The following BICD1 variants were observed in gnomAD, a reference collection of about 807,000 sequenced individuals.
BICD1 encodes BICD cargo adaptor 1, also known as protein bicaudal D homolog 1.
In BICD1, 35 loss-of-function variants were observed where a neutral mutation model predicts 92.5. That is an observed-to-expected ratio of 0.38 (90% CI 0.29 to 0.50). The LOEUF (loss-of-function observed/expected upper bound fraction) is 0.50. Among genes scored for constraint, BICD1 ranks in the 20% least tolerant of loss-of-function variants. The pLI is 0.93. For missense variants in BICD1, 950 were observed against 1,189.8 expected (o/e 0.80, Z 2.97); for synonymous variants, 429 against 465.1 (o/e 0.92, Z 1.00).
intron 2 of BICD1, among the ~76,000 whole-genome samples, chr12:32,290,154 T>C (rs1947689246): frequency 8.4e-6 from 1 of 119,572 alleles, no homozygotes; most frequent in African/African-American, 3.0e-5. Flanking sequence ...TCCAACCCCT[T>C]ATATATAAAT....
intron 1 of BICD1, among the ~76,000 whole-genome samples, chr12:32,174,442 G>T (rs549148244): frequency 1.3e-5 from 2 of 151,946 alleles, no homozygotes; most frequent in Non-Finnish European, 2.9e-5. Context: ...GTTTGAGGCT[G>T]CAGTGTACAA....
At chr12:32,335,624 A>C (rs1055922951) in intron 6 of BICD1, among the ~76,000 whole-genome samples, 1 of 139,338 alleles carries the variant, frequency 7.2e-6, no homozygotes, top group Non-Finnish European at 1.5e-5. Flanking sequence ...TCTGTCACCC[A>C]GGCTGAAGTG....
intron 1 of BICD1, among the ~76,000 whole-genome samples, chr12:32,211,611 C>T (rs759432543): frequency 6.6e-5 from 10 of 151,864 alleles, no homozygotes; most frequent in Non-Finnish European, 1.5e-4. Context: ...CACAGAATGG[C>T]CAAATTATTG....
At chr12:32,376,496 T>C (rs947337938) in intron 9 of BICD1, among the ~76,000 whole-genome samples, 1 of 152,162 alleles carries the variant, frequency 6.6e-6, no homozygotes, top group Non-Finnish European at 1.5e-5. Flanking sequence ...CAGACCCTGA[T>C]AGGCCTGAGC....
chr12:32,301,244 A>G (rs553646626), intron 3 of BICD1, among the ~76,000 whole-genome samples: 1 of 152,300 alleles, frequency 6.6e-6, no homozygotes, highest in South Asian at 2.1e-4. Flanking sequence ...TAATCAGAGA[A>G]TGAACCTTTC....
At chr12:32,121,201 C>A (rs1942136990) in intron 1 of BICD1, among the ~76,000 whole-genome samples, 1 of 151,616 alleles carries the variant, frequency 6.6e-6, no homozygotes, top group South Asian at 2.1e-4. Context: ...AACCTCTGAC[C>A]TCATGATCCA....
intron 2 of BICD1, among the ~76,000 whole-genome samples, chr12:32,250,200 C>T (rs1003920507): frequency 8.5e-5 from 13 of 152,236 alleles, no homozygotes; most frequent in African/African-American, 3.1e-4. Flanking sequence ...TTGAGATGGG[C>T]CATTCTGCAG....
chr12:32,195,196 A>T (rs1430552891), intron 1 of BICD1, among the ~76,000 whole-genome samples: 1 of 152,214 alleles, frequency 6.6e-6, no homozygotes, highest in Admixed American at 6.5e-5. Flanking sequence ...ACTGAAAGCA[A>T]CATACAGATT....
chr12:32,113,463 C>A (rs1405485693), intron 1 of BICD1, among the ~76,000 whole-genome samples: 3 of 152,030 alleles, frequency 2.0e-5, no homozygotes, highest in Non-Finnish European at 4.4e-5. Context: ...CTCACCGCAA[C>A]CTTAACTAAC....
chr12:32,213,263 C>T (rs1945267042), intron 1 of BICD1, among the ~76,000 whole-genome samples: 1 of 152,136 alleles, frequency 6.6e-6, no homozygotes. Context: ...AGAGTCCCGA[C>T]CAGTGATTTT....
At chr12:32,253,953 C>T (rs945861741) in intron 2 of BICD1, among the ~76,000 whole-genome samples, 2 of 151,424 alleles carry the variant, frequency 1.3e-5, no homozygotes, top group Non-Finnish European at 1.5e-5. Context: ...ATATTTACTG[C>T]TGTATCCCAC....
intron 1 of BICD1, among the ~76,000 whole-genome samples, chr12:32,200,270 A>G (rs1944868313): frequency 6.6e-6 from 1 of 152,210 alleles, no homozygotes; most frequent in African/African-American, 2.4e-5. Context: ...ATCACTCCAA[A>G]TAACATATTT....
chr12:32,329,387 G>A (rs774020795), intron 5 of BICD1, among the ~76,000 whole-genome samples: 17 of 152,064 alleles, frequency 1.1e-4, no homozygotes, highest in Non-Finnish European at 1.8e-4. Flanking sequence ...ATGAACCACC[G>A]CGCCCAGCCA....
chr12:32,185,096 G>A (rs1003724230), intron 1 of BICD1, among the ~76,000 whole-genome samples: 5 of 152,288 alleles, frequency 3.3e-5, no homozygotes, highest in African/African-American at 1.2e-4. Context: ...GGCAGGGGAA[G>A]CAGAGACTCT....
intron 9 of BICD1, 126 bp from the exon 10 acceptor site, chr12:32,377,414 C>T (rs1253996987): frequency 2.7e-6 from 2 of 751,586 alleles, no homozygotes; most frequent in Non-Finnish European, 4.6e-6. Context: ...AGATGGAAAC[C>T]ATTTACTGTG....
chr12:32,158,931 C>G (rs548049597), intron 1 of BICD1, among the ~76,000 whole-genome samples: 1 of 152,028 alleles, frequency 6.6e-6, no homozygotes, highest in African/African-American at 2.4e-5. Context: ...GTTATTTGTA[C>G]GCCATCAAAC....
At chr12:32,363,838 T>C (rs1225880743) in intron 8 of BICD1, among the ~76,000 whole-genome samples, 1 of 152,226 alleles carries the variant, frequency 6.6e-6, no homozygotes, top group East Asian at 1.9e-4. Flanking sequence ...ATTGCACCTC[T>C]ACCTCCTAGT....
chr12:32,277,490 C>T (rs1349047451), intron 2 of BICD1, among the ~76,000 whole-genome samples: 2 of 152,144 alleles, frequency 1.3e-5, no homozygotes, highest in African/African-American at 2.4e-5. Context: ...ACTATATTCA[C>T]GATTATTTTA....
At chr12:32,277,824 C>T (rs962092227) in intron 2 of BICD1, among the ~76,000 whole-genome samples, 1 of 151,956 alleles carries the variant, frequency 6.6e-6, no homozygotes, top group Non-Finnish European at 1.5e-5. Flanking sequence ...GTCTTGAATA[C>T]CTTCTCCTTT....
Sources: allele counts gnomAD v4.1 joint callset (sites outside exome capture counted in the v4.1 genomes callset), GRCh38; gene constraint gnomAD v4.1.1; transcripts MANE v1.5; gene names NCBI Gene and HGNC (gene_info 2026-07-23, HGNC 2026-07-21).